ADARB2: variants seen among roughly 807,000 people sequenced by gnomAD.
ADARB2 encodes inactive double-stranded RNA-specific editase B2.
ADARB2 carries 25 observed loss-of-function variants against 62.2 expected under a neutral mutation model. The ratio of observed to expected loss-of-function variants is 0.40; its 90% CI spans 0.29 to 0.56. ADARB2 has a LOEUF of 0.56. Among genes scored for constraint, ADARB2 ranks in the 20% least tolerant of loss-of-function variants. The pLI is 0.43. For missense variants in ADARB2, 1,071 were observed against 1,077.4 expected, an observed-to-expected ratio of 0.99 and a Z score of 0.08; for synonymous variants, 572 against 500.8, an observed-to-expected ratio of 1.14 and a Z score of -1.90.
intron 1 of ADARB2, among the ~76,000 whole-genome samples, chr10:1,609,857 C>T (rs982609653): frequency 2.0e-5 from 3 of 152,222 alleles, no homozygotes; most frequent in African/African-American, 7.2e-5. Context: ...GGTTTAAACA[C>T]CCTTCTCCAG....
chr10:1,497,941 A>G (rs139398187), intron 1 of ADARB2, among the ~76,000 whole-genome samples: 137 of 152,294 alleles, frequency 9.0e-4, no homozygotes, highest in African/African-American at 3.2e-3. Context: ...AGAATAACTC[A>G]GTTTTAGAGG....
At chr10:1,650,423 A>G (rs1046693443) in intron 1 of ADARB2, among the ~76,000 whole-genome samples, 1 of 152,146 alleles carries the variant, frequency 6.6e-6, no homozygotes, top group Admixed American at 6.5e-5. Flanking sequence ...AGGGGCTGTG[A>G]TACTGAAGGG....
At chr10:1,624,402 C>A (rs754160262) in intron 1 of ADARB2, among the ~76,000 whole-genome samples, 9 of 152,326 alleles carry the variant, frequency 5.9e-5, no homozygotes, top group Non-Finnish European at 1.0e-4. Flanking sequence ...CCTGCCTGGT[C>A]TCCTACCCGT....
At chr10:1,254,112 C>T (rs1013599586) in intron 4 of ADARB2, among the ~76,000 whole-genome samples, 1 of 149,776 alleles carries the variant, frequency 6.7e-6, no homozygotes, top group Non-Finnish European at 1.5e-5. Context: ...ATGCAGTTGA[C>T]TCTGGTTAGG....
At chr10:1,475,301 G>C (rs1831384166) in intron 1 of ADARB2, among the ~76,000 whole-genome samples, 1 of 152,238 alleles carries the variant, frequency 6.6e-6, no homozygotes, top group South Asian at 2.1e-4. Flanking sequence ...GGCTGGGTTT[G>C]ACAGTGTATC....
chr10:1,698,753 T>TA (rs1454853090), intron 1 of ADARB2, among the ~76,000 whole-genome samples: 1 of 152,204 alleles, frequency 6.6e-6, no homozygotes, highest in Non-Finnish European at 1.5e-5. Flanking sequence ...AAATGACTTT[T>TA]AAAAAATTTA....
chr10:1,233,179 T>G, intron 6 of ADARB2, among the ~76,000 whole-genome samples: 1 of 152,164 alleles, frequency 6.6e-6, no homozygotes, highest in East Asian at 1.9e-4. Flanking sequence ...AGGGGCTGCG[T>G]GGATGCGTTC....
intron 3 of ADARB2, among the ~76,000 whole-genome samples, chr10:1,353,031 T>C (rs1430902998): frequency 6.6e-6 from 1 of 152,200 alleles, no homozygotes; most frequent in Non-Finnish European, 1.5e-5. Context: ...CTTTCCGTTG[T>C]AGAAATCTAT....
chr10:1,357,065 CA>C (rs1832202901), intron 3 of ADARB2, among the ~76,000 whole-genome samples: 2 of 152,230 alleles, frequency 1.3e-5, no homozygotes, highest in African/African-American at 4.8e-5. Flanking sequence ...GTGAAATCAA[CA>C]GTGACTGTCT....
chr10:1,495,626 C>T (rs1306691210), intron 1 of ADARB2, among the ~76,000 whole-genome samples: 5 of 65,956 alleles, frequency 7.6e-5, no homozygotes, highest in African/African-American at 2.1e-4. Flanking sequence ...ATATTCCATT[C>T]CATTAGTTAG....
chr10:1,462,299 C>A (rs1831184913), intron 1 of ADARB2, among the ~76,000 whole-genome samples: 1 of 152,214 alleles, frequency 6.6e-6, no homozygotes, highest in African/African-American at 2.4e-5. Flanking sequence ...GTGTCCCCAG[C>A]AAGCCCTTTA....
intron 3 of ADARB2, among the ~76,000 whole-genome samples, chr10:1,331,859 CTA>C (rs1831931133): frequency 6.6e-6 from 1 of 152,160 alleles, no homozygotes; most frequent in South Asian, 2.1e-4. Flanking sequence ...ACACACTACA[CTA>C]GTGAATTCTG....
At chr10:1,216,670 C>T (rs1830626166) in intron 7 of ADARB2, 3 of 479,514 alleles carry the variant, frequency 6.3e-6, no homozygotes, top group Non-Finnish European at 7.5e-6. Flanking sequence ...CCCATGCAGC[C>T]ACAGCCTGGG....
chr10:1,312,352 GC>G (rs781206520), intron 3 of ADARB2, among the ~76,000 whole-genome samples: 8 of 152,172 alleles, frequency 5.3e-5, no homozygotes, highest in African/African-American at 2.4e-5. Context: ...GTCAGAGTGA[GC>G]CCCCGGCAGG....
At position 1,223,641 on chromosome 10, in the gene ADARB2, G is replaced by C. The variant is rs375047611; in HGVS notation, c.1514-6522C>G. 7.9e-5 allele frequency among the ~76,000 whole-genome samples: 12 copies of C among 152,278 alleles called. No homozygotes were observed. In the East Asian group the frequency reaches 2.3e-3, roughly 29 times the overall value. On this transcript the variant is annotated intron_variant, in intron 6 of 9. Transcript: ENST00000381312. Reference sequence around the variant, plus strand: ...AGAGTTTTTACCATGAAGGGTTGTTGAATTTTGTCAAAGGCCTTTTCTGCA... The same window carrying C: ...AGAGTTTTTACCATGAAGGGTTGTTCAATTTTGTCAAAGGCCTTTTCTGCA...
intron 1 of ADARB2, among the ~76,000 whole-genome samples, chr10:1,506,723 C>T (rs72764940): frequency 0.05 from 7,600 of 152,256 alleles, 270 homozygotes; most frequent in Non-Finnish European, 0.071. Flanking sequence ...TATAAGTACC[C>T]GCTGTGGACT....
intron 9 of ADARB2, among the ~76,000 whole-genome samples, chr10:1,183,928 G>A (rs10903401): frequency 0.18 from 27,949 of 152,184 alleles, 3,148 homozygotes; most frequent in East Asian, 0.31. Context: ...GGCACTCACC[G>A]GGGGGTCACC....
chr10:1,591,681 A>ACG (rs1554774094), intron 1 of ADARB2, among the ~76,000 whole-genome samples: 7 of 150,202 alleles, frequency 4.7e-5, no homozygotes, highest in South Asian at 2.1e-4. Context: ...ACACACACGC[A>ACG]CACACTCACC....
At chr10:1,190,867 G>A (rs1023726030) in intron 8 of ADARB2, among the ~76,000 whole-genome samples, 4 of 152,254 alleles carry the variant, frequency 2.6e-5, no homozygotes, top group African/African-American at 9.6e-5. Context: ...CAGGGATTAG[G>A]ACTTGGCATC....
Sources: gnomAD v4.1 joint callset for allele counts (sites outside exome capture counted in the v4.1 genomes callset) on GRCh38, gnomAD v4.1.1 for gene constraint, MANE v1.5 for transcripts, NCBI Gene and HGNC (gene_info 2026-07-23, HGNC 2026-07-21) for gene names.